The following TNFSF4 variants were observed in gnomAD, a reference collection of about 807,000 sequenced individuals.
TNFSF4 encodes TNF superfamily member 4, also known as tumor necrosis factor ligand superfamily member 4.
In TNFSF4, 4 loss-of-function variants were observed where a neutral mutation model predicts 7.3. The ratio of observed to expected loss-of-function variants is 0.55; its 90% CI spans 0.27 to 1.25. The LOEUF is 1.25. TNFSF4 is among the 50% of genes most tolerant of loss of function. The probability of loss-of-function intolerance (pLI) is 0.12; values close to 1 mark genes in which losing one functional copy is unlikely to be tolerated. For missense variants in TNFSF4, 181 were observed against 208.8 expected (o/e 0.87, Z 0.82); for synonymous variants, 76 against 83.7 (o/e 0.91, Z 0.50).
At chr1:173,253,979 T>C in the TNFSF4 span, among the ~76,000 whole-genome samples, 1 of 152,176 alleles carries the variant, frequency 6.6e-6, no homozygotes, top group African/African-American at 2.4e-5. Context: ...AGGTCTACTA[T>C]TGAATTTAGG....
At chr1:173,315,538 A>G in the TNFSF4 span, among the ~76,000 whole-genome samples, 1 of 152,142 alleles carries the variant, frequency 6.6e-6, no homozygotes, top group Non-Finnish European at 1.5e-5. Flanking sequence ...TCATACTGCA[A>G]CCATATGTGG....
the TNFSF4 span, among the ~76,000 whole-genome samples, chr1:173,398,409 CTT>C: frequency 0.011 from 1,077 of 101,526 alleles, 12 homozygotes; most frequent in African/African-American, 0.032. Flanking sequence ...TATTTCTTTT[CTT>C]TTTTTTTTTT....
the TNFSF4 span, among the ~76,000 whole-genome samples, chr1:173,352,483 G>A: frequency 3.3e-5 from 5 of 152,082 alleles, no homozygotes; most frequent in Middle Eastern, 3.2e-3. Context: ...ATCACATGTC[G>A]GCAGGTTCCA....
the TNFSF4 span, among the ~76,000 whole-genome samples, chr1:173,217,186 T>A: frequency 6.6e-6 from 1 of 152,174 alleles, no homozygotes; most frequent in Non-Finnish European, 1.5e-5. Flanking sequence ...GTGGAGAAAC[T>A]CCAAGACCCA....
the TNFSF4 span, among the ~76,000 whole-genome samples, chr1:173,237,221 C>T: frequency 6.6e-6 from 1 of 152,164 alleles, no homozygotes; most frequent in Admixed American, 6.6e-5. Flanking sequence ...ATTATCCAGT[C>T]TCTGGTGTGT....
At chr1:173,315,351 C>T in the TNFSF4 span, among the ~76,000 whole-genome samples, 3 of 152,180 alleles carry the variant, frequency 2.0e-5, no homozygotes, top group East Asian at 1.9e-4. Context: ...ATAAATCAGA[C>T]GTTCCATTTA....
At chr1:173,274,699 G>A in the TNFSF4 span, among the ~76,000 whole-genome samples, 7 of 152,034 alleles carry the variant, frequency 4.6e-5, no homozygotes, top group Admixed American at 2.6e-4. Context: ...AGATTCAAAT[G>A]TTACACAGCA....
At chr1:173,208,529 T>C (rs921546678), upstream of TNFSF4, among the ~76,000 whole-genome samples, 1 of 152,228 alleles carries the variant, frequency 6.6e-6, no homozygotes, top group South Asian at 2.1e-4. Flanking sequence ...TATGAATTAA[T>C]ACCTTCACTA....
At chr1:173,244,775 A>C in the TNFSF4 span, among the ~76,000 whole-genome samples, 2 of 152,112 alleles carry the variant, frequency 1.3e-5, no homozygotes, top group African/African-American at 4.8e-5. Context: ...ATACACAATA[A>C]GTTACTTTGT....
the TNFSF4 span, among the ~76,000 whole-genome samples, chr1:173,446,663 G>A: frequency 6.6e-6 from 1 of 152,200 alleles, no homozygotes; most frequent in East Asian, 1.9e-4. Context: ...AGGCATGCAG[G>A]AGAAGATGGA....
the TNFSF4 span, among the ~76,000 whole-genome samples, chr1:173,242,685 T>TGGG: frequency 1.3e-5 from 2 of 151,914 alleles, no homozygotes; most frequent in Non-Finnish European, 2.9e-5. Flanking sequence ...GATGTGACAA[T>TGGG]GGGCAAATAG....
chr1:173,204,590 T>C (rs1255009003), intron 1 of TNFSF4, among the ~76,000 whole-genome samples: 1 of 152,192 alleles, frequency 6.6e-6, no homozygotes, highest in African/African-American at 2.4e-5. Flanking sequence ...ATCACAATTA[T>C]TTCCCAAAAA....
At chr1:173,427,634 A>G in the TNFSF4 span, among the ~76,000 whole-genome samples, 1 of 152,224 alleles carries the variant, frequency 6.6e-6, no homozygotes, top group Admixed American at 6.5e-5. Context: ...TCTAGAGTCA[A>G]CTATAATCAT....
the TNFSF4 span, among the ~76,000 whole-genome samples, chr1:173,408,067 T>C: frequency 1.3e-5 from 2 of 152,186 alleles, no homozygotes; most frequent in Admixed American, 1.3e-4. Context: ...CATCTTGAAC[T>C]TACCAGCCTC....
In TNFSF4 at chr1:173,185,209, T is replaced by C. The variant is rs1238705920; in HGVS notation, c.*1307A>G. The C allele has an allele frequency of 6.6e-6, 1 of 152,160 alleles. No individual in the cohort carries two copies. The highest frequency in any genetic ancestry group is 1.5e-5 in the Non-Finnish European group (1 of 68,038). The allele number at this position is 152,160 out of a possible 1,614,324, so 9.4% of individuals were successfully genotyped here. On this transcript the variant is annotated 3_prime_UTR_variant, in exon 3 of 3. Coordinates refer to ENST00000281834, the MANE Select transcript of TNFSF4 (RefSeq NM_003326.5). ...GTGCTACAATTTTAAAATACATATC[T>C]CAAAAATTTATGTTTATAAAAGGTT... is the stretch of plus-strand genomic sequence containing the variant.
At chr1:173,319,339 G>T in the TNFSF4 span, among the ~76,000 whole-genome samples, 1 of 152,242 alleles carries the variant, frequency 6.6e-6, no homozygotes, top group African/African-American at 2.4e-5. Flanking sequence ...AGCAGCCCCA[G>T]TCAGGGGCTT....
chr1:173,303,494 G>C, the TNFSF4 span, among the ~76,000 whole-genome samples: 1 of 151,998 alleles, frequency 6.6e-6, no homozygotes, highest in East Asian at 1.9e-4. Flanking sequence ...AAATGCATGA[G>C]GCTAGAATGG....
the TNFSF4 span, among the ~76,000 whole-genome samples, chr1:173,250,800 A>G: frequency 1.3e-5 from 2 of 152,046 alleles, no homozygotes; most frequent in Admixed American, 1.3e-4. Context: ...TATTTTTTGG[A>G]GGATTGAAGG....
the TNFSF4 span, among the ~76,000 whole-genome samples, chr1:173,348,661 C>G: frequency 6.6e-6 from 1 of 152,238 alleles, no homozygotes; most frequent in South Asian, 2.1e-4. Flanking sequence ...AAACCCCTAG[C>G]AAGAATGATC....
Sources: gnomAD v4.1 joint callset for allele counts (sites outside exome capture counted in the v4.1 genomes callset) on GRCh38, gnomAD v4.1.1 for gene constraint, MANE v1.5 for transcripts, NCBI Gene and HGNC (gene_info 2026-07-23, HGNC 2026-07-21) for gene names.